Variants in CLCN2 observed in about 807,000 individuals in gnomAD.
CLCN2 encodes chloride channel protein 2.
A neutral mutation model predicts 108.3 loss-of-function variants in CLCN2; 72 were observed. The observed-to-expected ratio is 0.66, with a 90% CI of 0.55 to 0.81. CLCN2 has a LOEUF of 0.81. Among genes scored for constraint, CLCN2 ranks in the 30% least tolerant of loss-of-function variants. The probability of loss-of-function intolerance (pLI) is 0.00; values close to 1 mark genes in which losing one functional copy is unlikely to be tolerated. For synonymous variants in CLCN2, 471 were observed against 467.1 expected, an observed-to-expected ratio of 1.01 and a Z score of -0.11; for missense variants, 1,048 against 1,205.2, an observed-to-expected ratio of 0.87 and a Z score of 1.93.
rs3749221 is a variant in CLCN2, at chr3:184,355,763, C to A, written c.1101G>T (p.Pro367=). The A allele has an allele frequency of 6.2e-6, 10 of 1,613,966 alleles. No individual in the cohort carries two copies. The highest frequency in any genetic ancestry group is 8.5e-6 in the Non-Finnish European group (10 of 1,180,014). The part of the protein sequence containing the change: ...RFLMRKRLLF[P]ALVTLLISTL... The stretch of plus-strand genomic sequence containing the variant: ...TGGAGATGAGCAGGGTCACCAGAGC[C>A]GGGAAGAGCAGGCGTCTAGAGTCGT... The change falls in exon 11 of 24, where the codon CCG becomes CCT. Residue 367 remains proline, a synonymous_variant. Transcript: ENST00000265593. This position sits in a 1 kb window ranked among gnomAD's most constrained non-coding sequence, Gnocchi z 6.3.
At position 184,353,266 on chromosome 3, in the gene CLCN2, G is replaced by A. The variant is rs1728264581; in HGVS notation, c.2012C>T (p.Ala671Val). 6.2e-7 allele frequency: 1 copy of A among 1,613,958 alleles called. No individual in the cohort carries two copies. The highest frequency in any genetic ancestry group is 1.3e-5 in the African/African-American group (1 of 74,930). The change falls in exon 17 of 24, where the codon GCT becomes GTT. Residue 671 changes from alanine to valine, a missense_variant. Physicochemically the swap from Ala to Val is moderately conservative, Grantham distance 64 (BLOSUM62 0). Transcript: ENST00000265593. ...SDQEGPPTPE[A>V]SVCFQVNTED... Reference sequence around the variant, plus strand: ...TCCCCTCACCTGGAAGCAGACAGAAGCCTCAGGGGTAGGGGGACCCTCCTG... The same window carrying A: ...TCCCCTCACCTGGAAGCAGACAGAAACCTCAGGGGTAGGGGGACCCTCCTG...
rs1711622329 is a variant in CLCN2, at chr3:184,358,966, A to T, written c.220+9T>A. The T allele has an allele frequency of 6.2e-7, 1 of 1,612,982 alleles. No individual in the cohort carries two copies. The highest frequency in any genetic ancestry group is 2.2e-5 in the East Asian group (1 of 44,848). ...CAGCCAGGTCCCCTGCCCCCACCCC[A>T]GTTCTCACCGCGGCATCGGGCGCAA... On this transcript the variant is annotated intron_variant, in intron 2 of 23. Coordinates refer to ENST00000265593, the MANE Select transcript of CLCN2 (RefSeq NM_004366.6).
At position 184,357,280 on chromosome 3, in the gene CLCN2, C is replaced by G. The variant is rs751731115; in HGVS notation, c.899-14G>C. Reference sequence around the variant, plus strand: ...CTGTAATAGTCTCTAAAGGGAAGAACAGCAGAGGGAGGCAGGCCTAGCCTC... The same window carrying G: ...CTGTAATAGTCTCTAAAGGGAAGAAGAGCAGAGGGAGGCAGGCCTAGCCTC... On this transcript the variant is annotated splice_polypyrimidine_tract_variant and intron_variant, in intron 8 of 23. Transcript: ENST00000265593. 1.9e-5 allele frequency: 30 copies of G among 1,613,930 alleles called. 1 individual carries two copies. Among genetic ancestry groups the G allele is most frequent in the African/African-American group, 1.3e-5 (1 of 74,924 alleles).
In CLCN2 at chr3:184,354,738, G is replaced by A. The variant is rs1476131149; in HGVS notation, c.1397-80C>T. 12 of 1,354,356 alleles carry A rather than the reference G, an allele frequency of 8.9e-6. No homozygotes were observed. The East Asian group carries it at 1.2e-4, about 13-fold the overall frequency. 83.9% of individuals were successfully genotyped at this position (1,354,356 alleles called of 1,614,324 possible). ...CACTAGGAAGAGAGAGGGTCAGAGG[G>A]TGAGGGAGGGGCCAACGGGTCATTC... On this transcript the variant is annotated intron_variant, in intron 13 of 23. Coordinates refer to ENST00000265593, the MANE Select transcript of CLCN2 (RefSeq NM_004366.6).
rs756331531 is a variant in CLCN2 at position 184,346,786 on chromosome 3, G to A, written c.2517C>T (p.Ile839=). 3.0e-5 allele frequency: 49 copies of A among 1,613,934 alleles called. 1 individual carries two copies. In the Middle Eastern group the frequency reaches 4.9e-4, roughly 16 times the overall value. ...IVTLKELRKA[I]EGSVTAQGVK... is the part of the protein sequence containing the mutation. ...CACCCTGTGCTGTGACAGAGCCCTC[G>A]ATGGCCTTCCGGAGCTGGAAAGGTG... Residue 839 remains isoleucine, a synonymous_variant, in exon 24 of 24, where the codon ATC becomes ATT. Coordinates refer to ENST00000265593, the MANE Select transcript of CLCN2 (RefSeq NM_004366.6). This position sits in a 1 kb window ranked among gnomAD's most constrained non-coding sequence, Gnocchi z 6.0.
In CLCN2 at chr3:184,358,813, A is replaced by G. The variant is rs781119045; in HGVS notation, c.221T>C (p.Val74Ala). The G allele has an allele frequency of 1.2e-6, 2 of 1,613,972 alleles. No individual in the cohort carries two copies. The highest frequency in any genetic ancestry group is 3.3e-5 in the Admixed American group (2 of 59,982). The change falls in exon 3 of 24, where the codon GTC becomes GCC. Residue 74 changes from valine to alanine, a missense_variant and splice_region_variant. Coordinates refer to ENST00000265593, the MANE Select transcript of CLCN2 (RefSeq NM_004366.6). ...YGRSRCARCR[V>A]CSVRCHKFLV... ...GAACTTGTGGCAGCGGACAGAACAG[A>G]CTGGGTGCAGGGAAGGGAAGAAGGG...
chr3:184,355,277 G>A lies in CLCN2; in HGVS notation c.1326+97C>T. The A allele has an allele frequency of 7.4e-7, 1 of 1,355,928 alleles. No individual in the cohort carries two copies. The highest frequency in any genetic ancestry group is 1.1e-6 in the Non-Finnish European group (1 of 947,432). The allele number at this position is 1,355,928 out of a possible 1,614,324, so 84.0% of individuals were successfully genotyped here. On this transcript the variant is annotated intron_variant, in intron 12 of 23. Transcript: ENST00000265593. This position sits in a 1 kb window ranked among gnomAD's most constrained non-coding sequence, Gnocchi z 6.3. ...GGGGTGATAATAGTGCCTTTCCCAT[G>A]GCACTGTGGAGAGGCTTCGAGGAGT...
At chr3:184,352,388 A>T in intron 20 of CLCN2, 55 bp downstream of exon 20, 1 of 1,613,052 alleles carries the variant, frequency 6.2e-7, no homozygotes, top group Non-Finnish European at 8.5e-7. Flanking sequence ...TCCAGCCTAG[A>T]CCCTGCCCTC....
chr3:184,351,261 C>T (rs2108559806), intron 22 of CLCN2, among the ~76,000 whole-genome samples: 1 of 152,132 alleles, frequency 6.6e-6, no homozygotes, highest in East Asian at 1.9e-4. Flanking sequence ...GTACATTATG[C>T]CTGTCAAAAG....
At position 184,357,626 on chromosome 3, in the gene CLCN2, T is replaced by G; in HGVS notation, c.766A>C (p.Ile256Leu). The G allele has an allele frequency of 3.1e-6, 5 of 1,613,926 alleles. No homozygotes were observed. Among genetic ancestry groups the G allele is most frequent in the Non-Finnish European group, 4.2e-6 (5 of 1,180,000 alleles). ...ACCTAGGAGCCCTGCCTACCTCCAATAGGTGCCGCGAAGCAGCAGCCCACC... is the reference window on the plus strand; with the variant it reads ...ACCTAGGAGCCCTGCCTACCTCCAAGAGGTGCCGCGAAGCAGCAGCCCACC... ...VGVGCCFAAP[I>L]GGVLFSIEVT... is the part of the protein sequence containing the mutation. The change falls in exon 7 of 24, where the codon ATT becomes CTT. Residue 256 changes from isoleucine (I) to leucine (L), a missense_variant. Physicochemically the swap from Ile to Leu is conservative, Grantham distance 5 (BLOSUM62 2). Transcript: ENST00000265593.
In CLCN2 at chr3:184,355,730, G is replaced by A. The variant is rs758063595; in HGVS notation, c.1134C>T (p.Thr378=). Residue 378 remains threonine (T), a synonymous_variant, in exon 11 of 24, where the codon ACC becomes ACT. Transcript: ENST00000265593. This position sits in a 1 kb window ranked among gnomAD's most constrained non-coding sequence, Gnocchi z 6.3. ...TGAACTGTCCAAAGCCAGGGGGGAA[G>A]GTCAGCGTGGAGATGAGCAGGGTCA... ...ALVTLLISTL[T]FPPGFGQFMA... 9.3e-6 allele frequency: 15 copies of A among 1,614,210 alleles called. No individual in the cohort carries two copies. The highest frequency in any genetic ancestry group is 3.3e-5 in the Admixed American group (2 of 60,020).
In CLCN2 at chr3:184,355,717, A is replaced by T. The variant is rs140004705; in HGVS notation, c.1147T>A (p.Phe383Ile). ...ACCTGTCCAGCCATGAACTGTCCAA[A>T]GCCAGGGGGGAAGGTCAGCGTGGAG... ...LISTLTFPPGFGQFMAGQLSQ... is the reference protein window; with the variant it reads ...LISTLTFPPGIGQFMAGQLSQ... Residue 383 changes from phenylalanine (F) to isoleucine (I), a missense_variant, in exon 11 of 24, where the codon TTT (phenylalanine) becomes ATT (isoleucine). Physicochemically the swap from Phe to Ile is conservative, Grantham distance 21 (BLOSUM62 0). Transcript: ENST00000265593. This position sits in a 1 kb window ranked among gnomAD's most constrained non-coding sequence, Gnocchi z 6.3. 22 of 1,614,148 alleles carry T rather than the reference A, an allele frequency of 1.4e-5. No homozygotes were observed. The highest frequency in any genetic ancestry group is 1.6e-5 in the Non-Finnish European group (19 of 1,180,014).
At chr3:184,360,834 C>T (rs1711978382) in intron 1 of CLCN2, among the ~76,000 whole-genome samples, 1 of 152,220 alleles carries the variant, frequency 6.6e-6, no homozygotes, top group African/African-American at 2.4e-5. Flanking sequence ...ATTCCCACAC[C>T]CATTCCTGCT....
chr3:184,354,848 G>T, intron 13 of CLCN2, 56 bp downstream of exon 13: 2 of 1,569,264 alleles, frequency 1.3e-6, no homozygotes, highest in Non-Finnish European at 8.8e-7. Context: ...TGGCTGGGGG[G>T]GTGGCCAGAG....
In CLCN2 at chr3:184,357,259, A is replaced by T. The variant is rs2228291; in HGVS notation, c.906T>A (p.Ile302=). The T allele has an allele frequency of 6.2e-7, 1 of 1,613,638 alleles. No homozygotes were observed. The change falls in exon 9 of 24, where the codon ATT becomes ATA. Residue 302 remains isoleucine, a synonymous_variant. Transcript: ENST00000265593. Reference sequence around the variant, plus strand: ...GGAATCGGGTTTTGAAGAGGGCTGTAATAGTCTCTAAAGGGAAGAACAGCA... The same window carrying T: ...GGAATCGGGTTTTGAAGAGGGCTGTTATAGTCTCTAAAGGGAAGAACAGCA... The part of the protein sequence containing the change: ...LAVWNRDEET[I]TALFKTRFRL...
intron 1 of CLCN2, among the ~76,000 whole-genome samples, chr3:184,359,523 G>C (rs976517086): frequency 2.0e-5 from 3 of 152,204 alleles, no homozygotes; most frequent in Admixed American, 6.5e-5. Flanking sequence ...GGGGCACATG[G>C]GCAACAATAA....
intron 22 of CLCN2, among the ~76,000 whole-genome samples, chr3:184,351,465 C>T (rs143937461): frequency 1.4e-3 from 216 of 152,298 alleles, no homozygotes; most frequent in African/African-American, 4.9e-3. Context: ...GCCATCTTCC[C>T]GCGTCCGTAC....
chr3:184,360,190 C>T (rs973407683), intron 1 of CLCN2, among the ~76,000 whole-genome samples: 2 of 150,904 alleles, frequency 1.3e-5, no homozygotes, highest in African/African-American at 2.4e-5. Flanking sequence ...GAGGCAAGCA[C>T]GGTGTAGGAG....
Position 184,358,663 on chromosome 3 carries a change from T to C in CLCN2, c.352+19A>G. 5 of 1,562,772 alleles carry C rather than the reference T, an allele frequency of 3.2e-6. No individual in the cohort carries two copies. Among genetic ancestry groups the C allele is most frequent in the Non-Finnish European group, 4.3e-6 (5 of 1,152,760 alleles). On this transcript the variant is annotated intron_variant, in intron 3 of 23. Transcript: ENST00000265593. The stretch of plus-strand genomic sequence containing the variant: ...GGAGGTTTATTCCCAGTCCTCCCCC[T>C]GCCAGCTGTCACCCTCACCTTGCAG...
Sources: gnomAD v4.1 joint callset for allele counts (sites outside exome capture counted in the v4.1 genomes callset) on GRCh38, gnomAD v4.1.1 for gene constraint, Gnocchi (gnomAD v3.1) non-coding constraint, MANE v1.5 for transcripts, NCBI Gene and HGNC (gene_info 2026-07-23, HGNC 2026-07-21) for gene names.